ANKH: variants seen among roughly 807,000 people sequenced by gnomAD.
ANKH encodes ANKH inorganic pyrophosphate transport regulator.
In ANKH, 15 loss-of-function variants were observed where a neutral mutation model predicts 49.0. That is an observed-to-expected ratio of 0.31 (90% confidence interval 0.20 to 0.47). The LOEUF is 0.47. Ranked by LOEUF, ANKH falls within the 20% of genes least tolerant of loss-of-function variation. The pLI is 1.00. For synonymous variants in ANKH, 273 were observed against 260.0 expected (o/e 1.05, Z -0.48); for missense variants, 429 against 652.0 (o/e 0.66, Z 3.72).
chr5:14,803,803 T>C (rs370584454), intron 1 of ANKH, among the ~76,000 whole-genome samples: 6 of 152,164 alleles, frequency 3.9e-5, no homozygotes, highest in African/African-American at 1.4e-4. Context: ...ACAGCAACCA[T>C]AACTATCATG....
At chr5:14,813,232 T>C (rs1329400059) in intron 1 of ANKH, among the ~76,000 whole-genome samples, 1 of 137,658 alleles carries the variant, frequency 7.3e-6, no homozygotes, top group Non-Finnish European at 1.6e-5. Flanking sequence ...TAGAGAGAAA[T>C]GGCTATTTAA....
Position 14,710,617 on chromosome 5 carries a change from G to A in ANKH, c.*580C>T, listed in dbSNP as rs192753009. ...CAGGTCTCCGTTCCTCAGTGTGAAC[G>A]GGGACTCCGGGCTGCAGCGTGCCAC... On this transcript the variant is annotated 3_prime_UTR_variant, in exon 12 of 12. Coordinates refer to ENST00000284268, the MANE Select transcript of ANKH (RefSeq NM_054027.6). The A allele has an allele frequency of 0.013, 2,124 of 160,500 alleles. 15 individuals are homozygous for A. Among genetic ancestry groups the A allele is most frequent in the Non-Finnish European group, 0.021 (1,534 of 72,654 alleles). 9.9% of individuals were successfully genotyped at this position (160,500 alleles called of 1,614,324 possible).
intron 1 of ANKH, among the ~76,000 whole-genome samples, chr5:14,834,407 A>T (rs1477864878): frequency 6.6e-6 from 1 of 152,200 alleles, no homozygotes; most frequent in Admixed American, 6.5e-5. Flanking sequence ...AGACTACAGG[A>T]GAAAGGACAC....
intron 8 of ANKH, among the ~76,000 whole-genome samples, chr5:14,738,428 G>C (rs1178404697): frequency 6.6e-6 from 1 of 152,186 alleles, no homozygotes; most frequent in Non-Finnish European, 1.5e-5. Flanking sequence ...AAAAGACTCA[G>C]GGATAAAGCT....
intron 1 of ANKH, among the ~76,000 whole-genome samples, chr5:14,855,869 T>C (rs539345235): frequency 6.8e-6 from 1 of 147,260 alleles, no homozygotes; most frequent in African/African-American, 2.5e-5. Context: ...AAAGGCGGCA[T>C]GCTGATACAC....
In ANKH at chr5:14,809,852, G is replaced by A. The variant is rs535580929; in HGVS notation, c.97-40661C>T. 2.6e-5 allele frequency among the ~76,000 whole-genome samples: 4 copies of A among 152,130 alleles called. No individual in the cohort carries two copies. In the East Asian group the frequency reaches 5.8e-4, roughly 22 times the overall value. On this transcript the variant is annotated intron_variant, in intron 1 of 11. Transcript: ENST00000284268. ...CCTTCCTCTGAGTCAGCCCCGTCTC[G>A]GTGTGACCCTAGAGCGTGCACTGGG...
intron 5 of ANKH, among the ~76,000 whole-genome samples, 164 bp downstream of exon 5, chr5:14,750,905 C>T (rs1211728572): frequency 6.6e-6 from 1 of 152,208 alleles, no homozygotes; most frequent in Non-Finnish European, 1.5e-5. Flanking sequence ...CATTAATCCT[C>T]CAACTGTCTT....
intron 2 of ANKH, among the ~76,000 whole-genome samples, chr5:14,761,215 C>T (rs1403903228): frequency 2.6e-5 from 4 of 152,184 alleles, no homozygotes; most frequent in Admixed American, 2.6e-4. Flanking sequence ...CCCTGCAACA[C>T]CTTGACCTCG....
chr5:14,721,862 G>A (rs1341284058), intron 8 of ANKH, among the ~76,000 whole-genome samples: 7 of 148,868 alleles, frequency 4.7e-5, no homozygotes, highest in South Asian at 2.1e-4. Flanking sequence ...TCGGGGAGGC[G>A]GAGCTTGCAG....
Position 14,793,031 on chromosome 5 carries a change from TATAA to T in ANKH, c.97-23844_97-23841del, listed in dbSNP as rs1351980519. ...AAATATATATATATAAATATATATA[TATAA>T]AAATATATATATAAATATATATAAA... On this transcript the variant is annotated intron_variant, in intron 1 of 11. Coordinates refer to ENST00000284268, the MANE Select transcript of ANKH (RefSeq NM_054027.6). Among the ~76,000 whole-genome samples, 42 of 75,006 alleles carry T rather than the reference TATAA, an allele frequency of 5.6e-4. 1 individual carries two copies. Among genetic ancestry groups the T allele is most frequent in the African/African-American group, 2.4e-3 (42 of 17,674 alleles). 49.2% of individuals were successfully genotyped at this position (75,006 alleles called of 152,430 possible). A position where few individuals can be genotyped will look rare whatever the true frequency, so the allele number is the denominator to read the frequency against.
chr5:14,762,893 C>CA (rs529452098), intron 2 of ANKH, among the ~76,000 whole-genome samples: 6 of 152,006 alleles, frequency 3.9e-5, no homozygotes, highest in South Asian at 4.2e-4. Flanking sequence ...CAGAACATTA[C>CA]AAAAAAAATT....
At chr5:14,738,875 G>A (rs1345221674) in intron 8 of ANKH, among the ~76,000 whole-genome samples, 1 of 152,208 alleles carries the variant, frequency 6.6e-6, no homozygotes, top group African/African-American at 2.4e-5. Context: ...GGTGAATGCT[G>A]TCGGTACCTT....
intron 11 of ANKH, 97 bp from the exon 12 acceptor site, chr5:14,711,407 C>T (rs1222482125): frequency 1.9e-6 from 2 of 1,057,972 alleles, no homozygotes; most frequent in Non-Finnish European, 2.9e-6. Context: ...TTGGGGGACC[C>T]CTCACTGTAG....
rs184441571 is a variant in ANKH, at chr5:14,713,989, G to A, written c.1142-322C>T. Among the ~76,000 whole-genome samples the A allele has an allele frequency of 4.8e-4, 73 of 152,296 alleles. No homozygotes were observed. The highest frequency in any genetic ancestry group is 3.5e-3 in the Admixed American group (53 of 15,300). ...CCTGTCCCCACACTTGGCCAGCCTC[G>A]CCCTCTGATCATCTACCTCTAGAAG... On this transcript the variant is annotated intron_variant, in intron 9 of 11. Transcript: ENST00000284268. The surrounding 1 kb of genome is among the most constrained non-coding windows in gnomAD (Gnocchi z 4.4).
intron 1 of ANKH, chr5:14,797,729 T>C (rs1040383030): frequency 3.7e-6 from 6 of 1,608,852 alleles, no homozygotes; most frequent in Non-Finnish European, 5.1e-6. Flanking sequence ...CCGTATGCCC[T>C]GTAAAGATGG....
chr5:14,820,753 T>C, intron 1 of ANKH, among the ~76,000 whole-genome samples: 1 of 152,214 alleles, frequency 6.6e-6, no homozygotes. Flanking sequence ...GGAGCTTAAC[T>C]AAAGTTTGGT....
intron 1 of ANKH, among the ~76,000 whole-genome samples, chr5:14,837,331 C>T (rs1395976191): frequency 1.3e-5 from 2 of 152,154 alleles, no homozygotes; most frequent in Non-Finnish European, 2.9e-5. Context: ...TCAGAGTGAA[C>T]AGGCAACCTA....
intron 1 of ANKH, among the ~76,000 whole-genome samples, chr5:14,845,359 T>C (rs936481173): frequency 3.3e-4 from 9 of 27,186 alleles, no homozygotes; most frequent in African/African-American, 6.1e-4. Flanking sequence ...TATATATATA[T>C]ATATATATTT....
chr5:14,854,121 T>A (rs548802132), intron 1 of ANKH, among the ~76,000 whole-genome samples: 16 of 152,246 alleles, frequency 1.1e-4, no homozygotes, highest in Non-Finnish European at 4.4e-5. Context: ...CTAACTGTAT[T>A]ATAATAGAAC....
Sources: allele counts gnomAD v4.1 joint callset (sites outside exome capture counted in the v4.1 genomes callset), GRCh38; gene constraint gnomAD v4.1.1; non-coding constraint Gnocchi (gnomAD v3.1); transcripts MANE v1.5; gene names NCBI Gene and HGNC (gene_info 2026-07-23, HGNC 2026-07-21).